The following OGA variants were observed in gnomAD, a reference collection of about 807,000 sequenced individuals.
OGA encodes O-GlcNAcase.
OGA carries 21 observed loss-of-function variants against 102.0 expected under a neutral mutation model. That is an observed-to-expected ratio of 0.21 (90% CI 0.15 to 0.30). OGA has a LOEUF of 0.30. OGA is among the 10% of genes least tolerant of loss of function. The pLI is 1.00. For missense variants in OGA, 765 were observed against 1,107.8 expected (o/e 0.69, Z 4.39); for synonymous variants, 408 against 378.2 (o/e 1.08, Z -0.91).
At position 101,787,540 on chromosome 10, in the gene OGA, C is replaced by G. The variant is rs2065204454; in HGVS notation, c.2455-17G>C. The G allele has an allele frequency of 6.3e-7, 1 of 1,598,272 alleles. No homozygotes were observed. Among genetic ancestry groups the G allele is most frequent in the Non-Finnish European group, 8.6e-7 (1 of 1,167,720 alleles). On this transcript the variant is annotated splice_polypyrimidine_tract_variant and intron_variant, in intron 14 of 15. Transcript: ENST00000361464. ...CATTATTTTCTGGAAAAATTAGAAT[C>G]TCTTGACTTTCACAATAGTTACGCA...
chr10:101,789,144 C>T (rs2065226898), intron 14 of OGA, among the ~76,000 whole-genome samples: 1 of 152,196 alleles, frequency 6.6e-6, no homozygotes, highest in Admixed American at 6.5e-5. Context: ...CAACACCAAA[C>T]CAGCCTCTTG....
chr10:101,796,909 A>G (rs1416030324), intron 10 of OGA: 3 of 152,092 alleles, frequency 2.0e-5, no homozygotes, highest in African/African-American at 7.2e-5. Flanking sequence ...GCCTTTTAAC[A>G]TGAGGTCAAA....
Position 101,806,156 on chromosome 10 carries a change from A to G in OGA, c.653-13T>C, listed in dbSNP as rs781139518. On this transcript the variant is annotated splice_polypyrimidine_tract_variant and intron_variant, in intron 5 of 15. Coordinates refer to ENST00000361464, the MANE Select transcript of OGA (RefSeq NM_012215.5). ...GTGCCACAGTATTCTAAATGTAGGG[A>G]GAAAAGTAAAAAAGTCAGAATTAAA... The G allele has an allele frequency of 1.0e-4, 155 of 1,499,276 alleles. No homozygotes were observed. The highest frequency in any genetic ancestry group is 3.9e-4 in the Admixed American group (23 of 58,838). The allele number at this position is 1,499,276 out of a possible 1,614,324, so 92.9% of individuals were successfully genotyped here.
chr10:101,794,065 A>G lies in OGA; in HGVS notation c.1985-67T>C, dbSNP rs2065288724. 4 of 1,135,568 alleles carry G rather than the reference A, an allele frequency of 3.5e-6. No individual in the cohort carries two copies. In the East Asian group the frequency reaches 9.6e-5, roughly 27 times the overall value. 70.3% of individuals were successfully genotyped at this position (1,135,568 alleles called of 1,614,324 possible). A position where few individuals can be genotyped will look rare whatever the true frequency, so the allele number is the denominator to read the frequency against. ...GGATTTCCTGGGGTCTCAAATGTCCAACAAACTGACAAACACTTCGTGGAA... is the reference window on the plus strand; with the variant it reads ...GGATTTCCTGGGGTCTCAAATGTCCGACAAACTGACAAACACTTCGTGGAA... On this transcript the variant is annotated intron_variant, in intron 10 of 15. Transcript: ENST00000361464.
chr10:101,798,726 T>C, intron 9 of OGA, 116 bp downstream of exon 9: 6 of 1,327,904 alleles, frequency 4.5e-6, no homozygotes, highest in Admixed American at 2.4e-5. Flanking sequence ...AAGAACATAT[T>C]CTAAAACATG....
rs2065472918 is a variant in OGA at position 101,806,283 on chromosome 10, A to T, written c.653-140T>A. 5.6e-6 allele frequency: 3 copies of T among 531,656 alleles called. No homozygotes were observed. The South Asian group carries it at 5.9e-5, about 11-fold the overall frequency. The allele number at this position is 531,656 out of a possible 1,614,324, so 32.9% of individuals were successfully genotyped here. A position where few individuals can be genotyped will look rare whatever the true frequency, so the allele number is the denominator to read the frequency against. On this transcript the variant is annotated intron_variant, in intron 5 of 15. Coordinates refer to ENST00000361464, the MANE Select transcript of OGA (RefSeq NM_012215.5). ...AGTGGCACGATCTCGGCTCACTGCA[A>T]CCTCTGCCTCCTGGGCTCAAGCAAT...
In OGA at chr10:101,818,330, C is replaced by G. The variant is rs2065670522; in HGVS notation, c.-308G>C. The G allele has an allele frequency of 8.6e-7, 1 of 1,167,230 alleles. No individual in the cohort carries two copies. Among genetic ancestry groups the G allele is most frequent in the East Asian group, 4.4e-5 (1 of 22,558 alleles). The allele number at this position is 1,167,230 out of a possible 1,614,324, so 72.3% of individuals were successfully genotyped here. A position where few individuals can be genotyped will look rare whatever the true frequency, so the allele number is the denominator to read the frequency against. On this transcript the variant is annotated 5_prime_UTR_variant, in exon 1 of 16. Coordinates refer to ENST00000361464, the MANE Select transcript of OGA (RefSeq NM_012215.5). The stretch of plus-strand genomic sequence containing the variant: ...GAAGAAGACGGCCAAGGGTCCTGTC[C>G]TCGTTCTCTGCCTCTGCTGCCCTCC...
At chr10:101,787,758 C>T (rs111424948) in intron 14 of OGA, 46 of 468,318 alleles carry the variant, frequency 9.8e-5, no homozygotes, top group African/African-American at 6.4e-4. Flanking sequence ...CGCGTGCACG[C>T]GCTCTCTCTC....
chr10:101,801,938 A>G (rs2065398260), intron 7 of OGA, among the ~76,000 whole-genome samples: 1 of 152,122 alleles, frequency 6.6e-6, no homozygotes, highest in Non-Finnish European at 1.5e-5. Flanking sequence ...CCAGGTCAGG[A>G]GTTCGAGACC....
chr10:101,809,248 A>G (rs1422162703), intron 4 of OGA, among the ~76,000 whole-genome samples: 1 of 152,228 alleles, frequency 6.6e-6, no homozygotes, highest in Non-Finnish European at 1.5e-5. Flanking sequence ...CCAATCACCT[A>G]GATTCCCGGT....
intron 7 of OGA, among the ~76,000 whole-genome samples, chr10:101,803,008 G>T (rs1197157219): frequency 6.9e-6 from 1 of 145,500 alleles, no homozygotes; most frequent in African/African-American, 2.5e-5. Context: ...AAAAAAAGCC[G>T]GGTGTGCCTG....
intron 13 of OGA, 61 bp from the exon 14 acceptor site, chr10:101,791,149 C>G: frequency 6.6e-7 from 1 of 1,515,048 alleles, no homozygotes; most frequent in Admixed American, 2.2e-5. Flanking sequence ...ATTCAGACTT[C>G]AGTGATCCAA....
chr10:101,793,796 T>C, intron 11 of OGA, 117 bp downstream of exon 11: 1 of 714,160 alleles, frequency 1.4e-6, no homozygotes, highest in Non-Finnish European at 2.4e-6. Context: ...GTAACTAAAT[T>C]GAATTTGGGA....
chr10:101,802,975 C>T (rs1564645906), intron 7 of OGA, among the ~76,000 whole-genome samples: 3 of 106,538 alleles, frequency 2.8e-5, no homozygotes, highest in Non-Finnish European at 5.4e-5. Flanking sequence ...CCTGTCTCTA[C>T]TTTAAAAAAA....
intron 3 of OGA, among the ~76,000 whole-genome samples, chr10:101,811,341 A>T (rs975540627): frequency 2.0e-5 from 3 of 148,030 alleles, no homozygotes; most frequent in Non-Finnish European, 3.0e-5. Flanking sequence ...GTGAGCCAAG[A>T]TCGCACCACT....
intron 6 of OGA, among the ~76,000 whole-genome samples, chr10:101,804,327 C>T (rs1007500493): frequency 1.4e-5 from 2 of 144,208 alleles, no homozygotes; most frequent in African/African-American, 2.6e-5. Context: ...GGCTGGAGTA[C>T]AGTGGTGTGA....
At chr10:101,789,675 T>TA in intron 14 of OGA, among the ~76,000 whole-genome samples, 1 of 151,942 alleles carries the variant, frequency 6.6e-6, no homozygotes, top group Middle Eastern at 3.4e-3. Flanking sequence ...AGGAACTATC[T>TA]AAAAAATGCA....
chr10:101,803,790 G>T lies in OGA; in HGVS notation c.981C>A (p.Thr327=). The T allele has an allele frequency of 6.2e-7, 1 of 1,614,060 alleles. No individual in the cohort carries two copies. Among genetic ancestry groups the T allele is most frequent in the Non-Finnish European group, 8.5e-7 (1 of 1,179,982 alleles). ...TGTTTGATTTGTACCAGGTGGCAAG[G>T]GTGTGGATAGCAACGTAGTTGGCTT... ...EFEANYVAIH[T]LATWYKSNMN... The change falls in exon 7 of 16, where the codon ACC becomes ACA. Residue 327 remains threonine (T), a synonymous_variant. Coordinates refer to ENST00000361464, the MANE Select transcript of OGA (RefSeq NM_012215.5).
intron 1 of OGA, among the ~76,000 whole-genome samples, chr10:101,814,373 A>C (rs1261410783): frequency 3.9e-5 from 6 of 152,232 alleles, no homozygotes; most frequent in Non-Finnish European, 8.8e-5. Flanking sequence ...AGGTAAAGCA[A>C]TTAAAAACAA....
Sources: allele counts gnomAD v4.1 joint callset (sites outside exome capture counted in the v4.1 genomes callset), GRCh38; gene constraint gnomAD v4.1.1; transcripts MANE v1.5; gene names NCBI Gene and HGNC (gene_info 2026-07-23, HGNC 2026-07-21).